CMIP: variants seen among roughly 807,000 people sequenced by gnomAD.
CMIP encodes the protein C-Maf-inducing protein.
In CMIP, 13 loss-of-function variants were observed where a neutral mutation model predicts 97.3. The observed-to-expected ratio is 0.13, with a 90% confidence interval of 0.09 to 0.21. CMIP has a LOEUF of 0.21. CMIP is among the 10% of genes least tolerant of loss of function. The pLI is 1.00. For synonymous variants in CMIP, 538 were observed against 436.3 expected, an observed-to-expected ratio of 1.23 and a Z score of -2.91; for missense variants, 847 against 1,024.9, an observed-to-expected ratio of 0.83 and a Z score of 2.37.
chr16:81,652,834 G>A lies in CMIP; in HGVS notation c.639+470G>A, dbSNP rs1301960310. Among the ~76,000 whole-genome samples, 1 of 152,222 alleles carries A rather than the reference G, an allele frequency of 6.6e-6. No homozygotes were observed. The highest frequency in any genetic ancestry group is 1.5e-5 in the Non-Finnish European group (1 of 68,042). On this transcript the variant is annotated intron_variant, in intron 4 of 20. Coordinates refer to ENST00000537098, the MANE Select transcript of CMIP (RefSeq NM_198390.3). This position sits in a 1 kb window ranked among gnomAD's most constrained non-coding sequence, Gnocchi z 5.2. ...CAATCAGAAAATCCAGCCGCGGTTT[G>A]CAGCTGGTGCTACCTGATGCCACCC... is the stretch of plus-strand genomic sequence containing the variant.
chr16:81,446,913 C>T (rs1905883916), intron 1 of CMIP, among the ~76,000 whole-genome samples: 2 of 146,868 alleles, frequency 1.4e-5, no homozygotes, highest in South Asian at 4.2e-4. Context: ...GTCCGACATG[C>T]TTAGAGCACC....
At chr16:81,554,921 G>A (rs62046632) in intron 1 of CMIP, among the ~76,000 whole-genome samples, 4 of 152,154 alleles carry the variant, frequency 2.6e-5, no homozygotes, top group Admixed American at 1.3e-4. Flanking sequence ...AGCCCTGGCC[G>A]CAGGTGTCAT....
At chr16:81,539,292 T>C (rs2090404306) in intron 1 of CMIP, among the ~76,000 whole-genome samples, 1 of 152,184 alleles carries the variant, frequency 6.6e-6, no homozygotes, top group Admixed American at 6.5e-5. Context: ...TTGAGCGGAA[T>C]GGTGAGAAGG....
chr16:81,514,281 A>G (rs1349521169), intron 1 of CMIP, among the ~76,000 whole-genome samples: 1 of 152,156 alleles, frequency 6.6e-6, no homozygotes, highest in Non-Finnish European at 1.5e-5. Context: ...GGTGGCTGAG[A>G]AAGCTTCCCC....
At chr16:81,531,854 G>A (rs1159231163) in intron 1 of CMIP, among the ~76,000 whole-genome samples, 1 of 152,204 alleles carries the variant, frequency 6.6e-6, no homozygotes, top group Non-Finnish European at 1.5e-5. Flanking sequence ...ATTACTAGTT[G>A]GGGCTAGTTG....
At chr16:81,570,812 A>G (rs2091074442) in intron 1 of CMIP, among the ~76,000 whole-genome samples, 1 of 152,122 alleles carries the variant, frequency 6.6e-6, no homozygotes, top group Admixed American at 6.5e-5. Context: ...TCCTCCACCA[A>G]GGCCACCAGT....
At chr16:81,680,304 A>G (rs1290328449) in intron 10 of CMIP, among the ~76,000 whole-genome samples, 1 of 152,136 alleles carries the variant, frequency 6.6e-6, no homozygotes, top group Non-Finnish European at 1.5e-5. Flanking sequence ...CAGGGTTTCG[A>G]GGGACAGAGG....
intron 9 of CMIP, among the ~76,000 whole-genome samples, chr16:81,676,431 G>C (rs1393473137): frequency 6.6e-6 from 1 of 152,056 alleles, no homozygotes; most frequent in African/African-American, 2.4e-5. Flanking sequence ...ACTTGACCCA[G>C]GTTAGCGTGG....
At position 81,614,835 on chromosome 16, in the gene CMIP, GGT is replaced by G. The variant is rs1389620623; in HGVS notation, c.427-6036_427-6035del. Among the ~76,000 whole-genome samples, 1 of 151,246 alleles carries G rather than the reference GGT, an allele frequency of 6.6e-6. No individual in the cohort carries two copies. The highest frequency in any genetic ancestry group is 1.5e-5 in the Non-Finnish European group (1 of 67,758). On this transcript the variant is annotated intron_variant, in intron 2 of 20. Transcript: ENST00000537098. This position sits in a 1 kb window ranked among gnomAD's most constrained non-coding sequence, Gnocchi z 5.3. ...ATATGTGGTATGTATATGTGTATAC[GGT>G]GTGTATGCACATGTATCTCTGTGTG...
intron 1 of CMIP, among the ~76,000 whole-genome samples, chr16:81,483,355 A>G (rs2089261146): frequency 6.6e-6 from 1 of 152,164 alleles, no homozygotes; most frequent in South Asian, 2.1e-4. Flanking sequence ...AAGGAGGTAA[A>G]TGTGGATGGA....
chr16:81,676,019 C>T (rs947246704), intron 9 of CMIP, among the ~76,000 whole-genome samples: 4 of 152,100 alleles, frequency 2.6e-5, no homozygotes, highest in African/African-American at 4.8e-5. Context: ...GGAGAAGGGA[C>T]GTGATGGGAT....
intron 1 of CMIP, among the ~76,000 whole-genome samples, chr16:81,451,343 A>C (rs1256257086): frequency 6.6e-6 from 1 of 151,984 alleles, no homozygotes; most frequent in Admixed American, 6.6e-5. Context: ...CGTGCCTTTC[A>C]CCTTCCACCA....
At chr16:81,481,214 A>T (rs1482032682) in intron 1 of CMIP, among the ~76,000 whole-genome samples, 1 of 152,172 alleles carries the variant, frequency 6.6e-6, no homozygotes, top group East Asian at 1.9e-4. Context: ...CGGTGATGAG[A>T]CAGGCACAGT....
intron 1 of CMIP, among the ~76,000 whole-genome samples, chr16:81,543,057 C>A (rs879322389): frequency 6.6e-6 from 1 of 152,146 alleles, no homozygotes; most frequent in Non-Finnish European, 1.5e-5. Flanking sequence ...TGGTCTGAGC[C>A]CTGCCCGCTG....
intron 1 of CMIP, among the ~76,000 whole-genome samples, chr16:81,493,021 G>A (rs2089429598): frequency 6.6e-6 from 1 of 152,152 alleles, no homozygotes; most frequent in South Asian, 2.1e-4. Context: ...ACTCTGGGCT[G>A]GAAAGGACCA....
intron 1 of CMIP, among the ~76,000 whole-genome samples, chr16:81,591,856 G>A (rs1053739016): frequency 7.3e-5 from 11 of 149,998 alleles, no homozygotes; most frequent in East Asian, 2.0e-4. Context: ...ACAGGGTCTC[G>A]TGCTGTCACC....
At chr16:81,679,809 T>A (rs1904684800) in intron 10 of CMIP, among the ~76,000 whole-genome samples, 2 of 152,136 alleles carry the variant, frequency 1.3e-5, no homozygotes, top group African/African-American at 4.8e-5. Flanking sequence ...ACGCTCCACC[T>A]GACACATCTC....
rs527424693 is a variant in CMIP at position 81,495,465 on chromosome 16, G to A, written c.300+49924G>A. 4.0e-4 allele frequency: 651 copies of A among 1,612,898 alleles called. 9 individuals carry two copies. The East Asian group carries it at 0.014, about 36-fold the overall frequency. ...GGAAGTTACAGATCTCCGCCCTGGCGTCCGGGGAAGGATGGGACAGGCTGC... is the reference window on the plus strand; with the variant it reads ...GGAAGTTACAGATCTCCGCCCTGGCATCCGGGGAAGGATGGGACAGGCTGC... On this transcript the variant is annotated intron_variant, in intron 1 of 20. Coordinates refer to ENST00000537098, the MANE Select transcript of CMIP (RefSeq NM_198390.3).
intron 1 of CMIP, among the ~76,000 whole-genome samples, chr16:81,487,547 C>T (rs2089337686): frequency 1.3e-5 from 2 of 152,186 alleles, no homozygotes; most frequent in Admixed American, 1.3e-4. Context: ...GCAGCAACTC[C>T]TCTCCCAAGG....
Sources: gnomAD v4.1 joint callset for allele counts (sites outside exome capture counted in the v4.1 genomes callset) on GRCh38, gnomAD v4.1.1 for gene constraint, Gnocchi (gnomAD v3.1) non-coding constraint, MANE v1.5 for transcripts, NCBI Gene and HGNC (gene_info 2026-07-23, HGNC 2026-07-21) for gene names.